LRRC56: variants seen among roughly 807,000 people sequenced by gnomAD.
LRRC56 encodes leucine-rich repeat-containing protein 56.
A neutral mutation model predicts 47.8 loss-of-function variants in LRRC56; 41 were observed. The observed-to-expected ratio is 0.86, with a 90% CI of 0.67 to 1.11. The LOEUF (loss-of-function observed/expected upper bound fraction) is 1.11. LRRC56 is among the 50% of genes most tolerant of loss of function. The pLI is 0.00. For synonymous variants in LRRC56, 387 were observed against 311.2 expected (o/e 1.24, Z -2.56); for missense variants, 759 against 704.2 (o/e 1.08, Z -0.88).
upstream of LRRC56, chr11:532,538 G>C: frequency 6.6e-7 from 1 of 1,520,728 alleles, no homozygotes; most frequent in Non-Finnish European, 8.9e-7. Flanking sequence ...CGGGGCACAA[G>C]GGAGGCTGCT....
the LRRC56 span, among the ~76,000 whole-genome samples, chr11:510,971 A>G: frequency 1.1e-3 from 163 of 152,246 alleles, 2 homozygotes; most frequent in Admixed American, 2.8e-3. Context: ...ATGTGTACAT[A>G]AAGTGCACAT....
chr11:507,395 C>G, the LRRC56 span: 1 of 151,146 alleles, frequency 6.6e-6, no homozygotes, highest in Non-Finnish European at 1.5e-5. Context: ...GCGGCGGGGC[C>G]TGGTGGGGCG....
chr11:554,116 G>T lies in LRRC56; in HGVS notation c.1469G>T (p.Gly490Val). Residue 490 changes from glycine (G) to valine (V), a missense_variant, in exon 14 of 14, where the codon GGT becomes GTT. Physicochemically the swap from Gly to Val is moderately radical, Grantham distance 109. Transcript: ENST00000270115. ...CTGGGCAGCTGGGGGCCTGGCCTGGGTGATGGGGTGGCTGCAGTGCCTGTC... is the reference window on the plus strand; with the variant it reads ...CTGGGCAGCTGGGGGCCTGGCCTGGTTGATGGGGTGGCTGCAGTGCCTGTC... ...RVLGSWGPGL[G>V]DGVAAVPVLR... The T allele has an allele frequency of 6.2e-7, 1 of 1,605,514 alleles. No individual in the cohort carries two copies. Among genetic ancestry groups the T allele is most frequent in the South Asian group, 1.1e-5 (1 of 90,810 alleles).
chr11:549,860 A>G (rs778879041), intron 6 of LRRC56, 42 bp from the exon 7 acceptor site: 4 of 1,563,834 alleles, frequency 2.6e-6, no homozygotes, highest in South Asian at 1.1e-5. Context: ...GGCTGAGCAC[A>G]GGGCTGGGCA....
chr11:549,691 G>A (rs1852273283), intron 6 of LRRC56, among the ~76,000 whole-genome samples: 2 of 152,264 alleles, frequency 1.3e-5, no homozygotes, highest in Admixed American at 1.3e-4. Context: ...CACGAGGGCA[G>A]CTCCCCAAGC....
At chr11:532,365 C>T in the LRRC56 span, 4 of 570,962 alleles carry the variant, frequency 7.0e-6, no homozygotes, top group Admixed American at 6.1e-5. Flanking sequence ...AGTCTGTGCA[C>T]AGCCTCCCTG....
chr11:552,006 G>A (rs1852421679), intron 11 of LRRC56, 39 bp downstream of exon 11: 1 of 1,611,020 alleles, frequency 6.2e-7, no homozygotes, highest in Non-Finnish European at 8.5e-7. Context: ...GAGAACCAGT[G>A]TCCAGGGTTG....
Position 551,315 on chromosome 11 carries a change from C to T in LRRC56, c.796+13C>T, listed in dbSNP as rs753020118. 49 of 1,491,850 alleles carry T rather than the reference C, an allele frequency of 3.3e-5. 1 individual carries two copies. The highest frequency in any genetic ancestry group is 3.6e-5 in the Non-Finnish European group (40 of 1,109,250). 92.4% of individuals were successfully genotyped at this position (1,491,850 alleles called of 1,614,324 possible). A position where few individuals can be genotyped will look rare whatever the true frequency, so the allele number is the denominator to read the frequency against. On this transcript the variant is annotated intron_variant, in intron 9 of 13. Coordinates refer to ENST00000270115, the MANE Select transcript of LRRC56 (RefSeq NM_198075.4). ...CTTCCCCCGCTGGGTACGGCAGCTG[C>T]GCCCGGAGGACCCACTGCTGAGCCC...
In LRRC56 at chr11:551,653, T is replaced by C. The variant is rs761208820; in HGVS notation, c.799T>C (p.Cys267Arg). The C allele has an allele frequency of 3.6e-5, 56 of 1,559,952 alleles. No individual in the cohort carries two copies. Among genetic ancestry groups the C allele is most frequent in the Non-Finnish European group, 4.9e-5 (56 of 1,154,298 alleles). ...CTCTGCTTCTGAACCTCGGGCAGACTGTCCCCGTGGAGCCCCCATCCGGAG... is the reference window on the plus strand; with the variant it reads ...CTCTGCTTCTGAACCTCGGGCAGACCGTCCCCGTGGAGCCCCCATCCGGAG... Reference protein sequence around the residue: ...KKGNGLPPLDCPRGAPIRRLD... With the variant: ...KKGNGLPPLDRPRGAPIRRLD... Residue 267 changes from cysteine to arginine, a missense_variant and splice_region_variant, in exon 10 of 14, where the codon TGT becomes CGT. Transcript: ENST00000270115.
the LRRC56 span, among the ~76,000 whole-genome samples, chr11:522,391 A>G: frequency 3.9e-5 from 6 of 152,018 alleles, no homozygotes; most frequent in East Asian, 9.7e-4. Context: ...TCAGCCTCCC[A>G]AGTAGTTGGG....
At chr11:543,672 C>T (rs920494453) in intron 5 of LRRC56, among the ~76,000 whole-genome samples, 5 of 152,158 alleles carry the variant, frequency 3.3e-5, no homozygotes, top group African/African-American at 7.2e-5. Context: ...GTGGCTAACC[C>T]GCAGCCATCT....
chr11:534,420 G>A, upstream of LRRC56: 1 of 798,178 alleles, frequency 1.3e-6, no homozygotes, highest in South Asian at 1.6e-5. Flanking sequence ...CCCAGCCCCA[G>A]GCCCCACAGG....
the LRRC56 span, among the ~76,000 whole-genome samples, chr11:510,950 C>T: frequency 1.3e-5 from 2 of 151,834 alleles, no homozygotes; most frequent in Non-Finnish European, 2.9e-5. Context: ...GCCTTTTTAA[C>T]AAAGTATGAG....
At chr11:533,289 C>A (rs752854703), upstream of LRRC56, 2 of 1,595,604 alleles carry the variant, frequency 1.3e-6, no homozygotes, top group Non-Finnish European at 8.5e-7. Context: ...CGCGAGGGGC[C>A]GCTGGGTCAC....
upstream of LRRC56, chr11:533,920 T>G: frequency 1.2e-6 from 2 of 1,612,706 alleles, no homozygotes; most frequent in Non-Finnish European, 1.7e-6. Context: ...TCCCCATCAA[T>G]GACCACCTGC....
intron 5 of LRRC56, among the ~76,000 whole-genome samples, chr11:542,420 G>A (rs937044150): frequency 1.1e-4 from 16 of 152,006 alleles, no homozygotes; most frequent in African/African-American, 3.9e-4. Flanking sequence ...AGATCAGCTT[G>A]GGCAACATAG....
At position 544,827 on chromosome 11, in the gene LRRC56, C is replaced by T. The variant is rs76537666; in HGVS notation, c.326+47C>T. On this transcript the variant is annotated intron_variant, in intron 6 of 13. Coordinates refer to ENST00000270115, the MANE Select transcript of LRRC56 (RefSeq NM_198075.4). The stretch of plus-strand genomic sequence containing the variant: ...GCTGGGGCCCTGCCATGAGGGGGTC[C>T]GATGGGACAGGCCCTGCAGGGATGG... The T allele has an allele frequency of 0.12, 179,880 of 1,472,726 alleles. 11,145 individuals carry two copies. The highest frequency in any genetic ancestry group is 0.19 in the South Asian group (15,183 of 80,384). The allele number at this position is 1,472,726 out of a possible 1,614,324, so 91.2% of individuals were successfully genotyped here.
Position 551,917 on chromosome 11 carries a change from C to T in LRRC56, c.988C>T (p.Leu330Phe). 2 of 1,612,720 alleles carry T rather than the reference C, an allele frequency of 1.2e-6. No individual in the cohort carries two copies. The highest frequency in any genetic ancestry group is 2.2e-5 in the East Asian group (1 of 44,880). ...GTCTCTTGCAGGTGCTGGCCAAGTC[C>T]TCTGTGGGAACCCCACCAAGGGCCT... ...SSLTHGAGQV[L>F]CGNPTKGLRE... The change falls in exon 11 of 14, where the codon CTC (leucine) becomes TTC (phenylalanine). Residue 330 changes from leucine to phenylalanine, a missense_variant. Physicochemically the swap from Leu to Phe is conservative, Grantham distance 22. Coordinates refer to ENST00000270115, the MANE Select transcript of LRRC56 (RefSeq NM_198075.4).
At chr11:550,830 A>T (rs1005382232) in intron 8 of LRRC56, among the ~76,000 whole-genome samples, 1 of 152,070 alleles carries the variant, frequency 6.6e-6, no homozygotes, top group African/African-American at 2.4e-5. Flanking sequence ...CCCAGTAGCT[A>T]CTGCTCCGTG....
Sources: allele counts gnomAD v4.1 joint callset (sites outside exome capture counted in the v4.1 genomes callset), GRCh38; gene constraint gnomAD v4.1.1; transcripts MANE v1.5; gene names NCBI Gene and HGNC (gene_info 2026-07-23, HGNC 2026-07-21).